The following SHISA9 variants were observed in gnomAD, a reference collection of about 807,000 sequenced individuals.
The protein encoded by SHISA9 is shisa family member 9.
A neutral mutation model predicts 38.0 loss-of-function variants in SHISA9; 13 were observed. That is an observed-to-expected ratio of 0.34 (90% confidence interval 0.22 to 0.54). The LOEUF (loss-of-function observed/expected upper bound fraction) is 0.54, where lower values mean the gene tolerates loss of function less well. Among genes scored for constraint, SHISA9 ranks in the 20% least tolerant of loss-of-function variants. The pLI is 0.91. For synonymous variants in SHISA9, 275 were observed against 242.0 expected, an observed-to-expected ratio of 1.14 and a Z score of -1.27; for missense variants, 538 against 575.8, an observed-to-expected ratio of 0.93 and a Z score of 0.67.
At chr16:13,469,404 AG>A in the SHISA9 span, among the ~76,000 whole-genome samples, 8 of 129,174 alleles carry the variant, frequency 6.2e-5, no homozygotes, top group African/African-American at 2.5e-4. Context: ...AAAGAAAGAA[AG>A]AAAGAAAGAA....
At chr16:13,316,927 G>T in the SHISA9 span, among the ~76,000 whole-genome samples, 44 of 152,190 alleles carry the variant, frequency 2.9e-4, no homozygotes, top group Non-Finnish European at 5.9e-4. Context: ...CCTGCAACCT[G>T]CAAGTCACCT....
chr16:12,981,151 A>T (rs553590619), intron 2 of SHISA9, among the ~76,000 whole-genome samples: 1 of 152,180 alleles, frequency 6.6e-6, no homozygotes, highest in Non-Finnish European at 1.5e-5. Flanking sequence ...GGCAATGTGG[A>T]TGCGCAAAGG....
At chr16:12,932,111 C>T (rs2071469624) in intron 2 of SHISA9, among the ~76,000 whole-genome samples, 1 of 152,186 alleles carries the variant, frequency 6.6e-6, no homozygotes, top group Non-Finnish European at 1.5e-5. Context: ...CCTTCGCCTT[C>T]TGCCATGGTT....
chr16:13,203,958 G>T (rs1049058199), intron 3 of SHISA9, among the ~76,000 whole-genome samples: 8 of 149,950 alleles, frequency 5.3e-5, no homozygotes, highest in African/African-American at 2.0e-4. Flanking sequence ...TCATCTGTCT[G>T]TCTATCATCT....
intron 2 of SHISA9, among the ~76,000 whole-genome samples, chr16:13,143,722 A>T (rs2050422784): frequency 6.6e-6 from 1 of 152,234 alleles, no homozygotes; most frequent in Admixed American, 6.5e-5. Context: ...GGGCCAAACC[A>T]CATAGGAAGC....
At chr16:13,545,217 G>A in the SHISA9 span, among the ~76,000 whole-genome samples, 2 of 152,140 alleles carry the variant, frequency 1.3e-5, no homozygotes, top group Non-Finnish European at 2.9e-5. Flanking sequence ...ATCGCACACT[G>A]GTGAAGTGGT....
At chr16:13,550,139 C>T in the SHISA9 span, among the ~76,000 whole-genome samples, 103 of 152,074 alleles carry the variant, frequency 6.8e-4, no homozygotes, top group African/African-American at 2.2e-3. Context: ...GTGCAAAGCC[C>T]CCGAGGCAGG....
intron 4 of SHISA9, among the ~76,000 whole-genome samples, chr16:13,219,706 A>G (rs2142072370): frequency 6.6e-6 from 1 of 152,196 alleles, no homozygotes; most frequent in East Asian, 1.9e-4. Flanking sequence ...GGAATAGGAG[A>G]GAGGCTTTGG....
At chr16:13,344,283 G>A in the SHISA9 span, among the ~76,000 whole-genome samples, 2 of 152,180 alleles carry the variant, frequency 1.3e-5, no homozygotes, top group Non-Finnish European at 2.9e-5. Flanking sequence ...CAGTAGGTCT[G>A]TATTTGGCTA....
chr16:13,124,255 G>C (rs1336882930), intron 2 of SHISA9, among the ~76,000 whole-genome samples: 4 of 152,212 alleles, frequency 2.6e-5, no homozygotes, highest in African/African-American at 9.6e-5. Flanking sequence ...AGGTTCCACT[G>C]TGTGTTGAAA....
At chr16:13,218,419 T>C (rs2051191900) in intron 4 of SHISA9, among the ~76,000 whole-genome samples, 1 of 152,236 alleles carries the variant, frequency 6.6e-6, no homozygotes, top group South Asian at 2.1e-4. Context: ...TCCGTTTACA[T>C]ACCGGCGTTC....
intron 2 of SHISA9, among the ~76,000 whole-genome samples, chr16:13,117,418 A>G (rs2074040986): frequency 6.6e-6 from 1 of 152,038 alleles, no homozygotes; most frequent in Admixed American, 6.5e-5. Flanking sequence ...CCTTCCAGAA[A>G]TTCCCTAATC....
chr16:13,019,933 TTC>T (rs2072823778), intron 2 of SHISA9, among the ~76,000 whole-genome samples: 5 of 95,070 alleles, frequency 5.3e-5, no homozygotes, highest in Middle Eastern at 5.1e-3. Context: ...CTTTCTTTCT[TTC>T]TTTCTTTCTT....
At chr16:13,353,111 G>A in the SHISA9 span, among the ~76,000 whole-genome samples, 2 of 152,136 alleles carry the variant, frequency 1.3e-5, no homozygotes, top group South Asian at 2.1e-4. Context: ...GAGAATGGAC[G>A]ATGTTTCTCA....
At chr16:13,543,524 C>T in the SHISA9 span, among the ~76,000 whole-genome samples, 1 of 152,194 alleles carries the variant, frequency 6.6e-6, no homozygotes, top group South Asian at 2.1e-4. Flanking sequence ...CAGCATAAAA[C>T]TGGGATTTGA....
chr16:13,045,369 T>C (rs1501310), intron 2 of SHISA9, among the ~76,000 whole-genome samples: 94,296 of 151,978 alleles, frequency 0.62, 29,943 homozygotes, highest in Middle Eastern at 0.74. Flanking sequence ...AGGATTCGAG[T>C]GCAGGAATTC....
the SHISA9 span, among the ~76,000 whole-genome samples, chr16:13,387,087 T>A: frequency 6.6e-6 from 1 of 152,200 alleles, no homozygotes; most frequent in African/African-American, 2.4e-5. Flanking sequence ...AAATAAATCA[T>A]TGATGTGTAA....
chr16:13,364,376 T>C, the SHISA9 span, among the ~76,000 whole-genome samples: 1 of 152,140 alleles, frequency 6.6e-6, no homozygotes, highest in East Asian at 1.9e-4. Context: ...CCTGAGAAAA[T>C]AAAGAGAAGC....
At chr16:13,539,303 C>CATATAT in the SHISA9 span, among the ~76,000 whole-genome samples, 21 of 53,446 alleles carry the variant, frequency 3.9e-4, 4 homozygotes, top group African/African-American at 1.1e-3. Flanking sequence ...CTAAATTTTA[C>CATATAT]ATATATATAT....
Sources: gnomAD v4.1 joint callset for allele counts (sites outside exome capture counted in the v4.1 genomes callset) on GRCh38, gnomAD v4.1.1 for gene constraint, MANE v1.5 for transcripts, NCBI Gene and HGNC (gene_info 2026-07-23, HGNC 2026-07-21) for gene names.